The following RABGAP1 variants were observed in gnomAD, a reference collection of about 807,000 sequenced individuals.
RABGAP1 encodes RAB GTPase activating protein 1, also known as rab GTPase-activating protein 1.
RABGAP1 carries 23 observed loss-of-function variants against 137.6 expected under a neutral mutation model. That is an observed-to-expected ratio of 0.17 (90% confidence interval 0.12 to 0.24). The LOEUF (loss-of-function observed/expected upper bound fraction) is 0.24. RABGAP1 is among the 10% of genes least tolerant of loss of function. RABGAP1 has a pLI of 1.00. For synonymous variants in RABGAP1, 451 were observed against 450.7 expected, an observed-to-expected ratio of 1.00 and a Z score of -0.01; for missense variants, 906 against 1,275.8, an observed-to-expected ratio of 0.71 and a Z score of 4.42.
intron 14 of RABGAP1, among the ~76,000 whole-genome samples, chr9:123,066,867 A>G (rs919745186): frequency 1.3e-5 from 2 of 152,272 alleles, no homozygotes; most frequent in Non-Finnish European, 2.9e-5. Flanking sequence ...GTAAACATTA[A>G]TTAGTATAAT....
chr9:123,079,842 T>A (rs910982962), intron 19 of RABGAP1, among the ~76,000 whole-genome samples: 5 of 152,162 alleles, frequency 3.3e-5, no homozygotes, highest in Admixed American at 3.3e-4. Flanking sequence ...CCAACCTTTA[T>A]GCCATTACGT....
chr9:123,065,833 A>G (rs1380176784), intron 14 of RABGAP1, among the ~76,000 whole-genome samples: 2 of 152,210 alleles, frequency 1.3e-5, no homozygotes, highest in East Asian at 1.9e-4. Context: ...ACGGTCTCAC[A>G]GTGGGAAGTG....
chr9:122,964,412 A>G (rs1040537822), intron 2 of RABGAP1, among the ~76,000 whole-genome samples: 1 of 152,238 alleles, frequency 6.6e-6, no homozygotes, highest in African/African-American at 2.4e-5. Flanking sequence ...TTAGTTTAAC[A>G]TCTGAAAATT....
chr9:123,089,809 G>C lies in RABGAP1; in HGVS notation c.2476G>C (p.Glu826Gln). Residue 826 changes from glutamate to glutamine, a missense_variant, in exon 20 of 26, where the codon GAA (glutamate) becomes CAA (glutamine). Coordinates refer to ENST00000373647, the MANE Select transcript of RABGAP1 (RefSeq NM_012197.4). ...CGAGAAAGAATATCACACCATGAGG[G>C]AACAGCAGGCCCAGCAAGAAGACCC... The part of the protein sequence containing the change: ...KYEKEYHTMR[E>Q]QQAQQEDPIE... 1 of 1,613,874 alleles carries C rather than the reference G, an allele frequency of 6.2e-7. No individual in the cohort carries two copies.
At chr9:123,082,866 A>G (rs1488704713) in intron 19 of RABGAP1, among the ~76,000 whole-genome samples, 1 of 152,206 alleles carries the variant, frequency 6.6e-6, no homozygotes, top group African/African-American at 2.4e-5. Context: ...CTTGGGGGAT[A>G]TTTTTATTCC....
At chr9:122,945,585 A>T (rs535647921) in intron 1 of RABGAP1, among the ~76,000 whole-genome samples, 194 of 152,200 alleles carry the variant, frequency 1.3e-3, no homozygotes, top group Non-Finnish European at 2.2e-3. Flanking sequence ...CTTGGTTGTA[A>T]AGTATGAGAA....
intron 13 of RABGAP1, among the ~76,000 whole-genome samples, chr9:123,033,303 C>G (rs1401415235): frequency 6.6e-6 from 1 of 152,204 alleles, no homozygotes; most frequent in African/African-American, 2.4e-5. Context: ...AATTACCCCT[C>G]TGGTAGTGTG....
chr9:123,077,164 G>GTTT (rs57474987), intron 19 of RABGAP1, among the ~76,000 whole-genome samples: 2 of 124,436 alleles, frequency 1.6e-5, no homozygotes, highest in African/African-American at 4.5e-5. Flanking sequence ...TTTTGTTTTT[G>GTTT]TTTTTTTTTT....
At chr9:123,004,904 A>G (rs2030073268) in intron 10 of RABGAP1, among the ~76,000 whole-genome samples, 1 of 151,972 alleles carries the variant, frequency 6.6e-6, no homozygotes. Flanking sequence ...TAAAAATACA[A>G]AATTAGCTGG....
At chr9:123,041,033 A>T (rs930083580) in intron 13 of RABGAP1, among the ~76,000 whole-genome samples, 3 of 152,130 alleles carry the variant, frequency 2.0e-5, no homozygotes, top group African/African-American at 7.2e-5. Context: ...TTGGAATTTG[A>T]CTTGACTCAG....
At chr9:122,985,944 G>A (rs1397137852) in intron 3 of RABGAP1, among the ~76,000 whole-genome samples, 1 of 152,082 alleles carries the variant, frequency 6.6e-6, no homozygotes, top group Admixed American at 6.6e-5. Context: ...TGTCATGTAG[G>A]TACTCAAAAG....
At chr9:122,994,027 C>G (rs1836885850) in intron 6 of RABGAP1, among the ~76,000 whole-genome samples, 1 of 152,186 alleles carries the variant, frequency 6.6e-6, no homozygotes, top group Non-Finnish European at 1.5e-5. Context: ...ACTTAATCCA[C>G]TAACCGTCCT....
At chr9:123,010,277 A>G (rs772166757) in intron 10 of RABGAP1, 77 bp from the exon 11 acceptor site, 18 of 1,321,188 alleles carry the variant, frequency 1.4e-5, no homozygotes, top group Non-Finnish European at 1.9e-5. Flanking sequence ...TGCAATTAAA[A>G]ACATTAAAAA....
At chr9:122,995,110 TC>T (rs916584184) in intron 6 of RABGAP1, among the ~76,000 whole-genome samples, 1 of 152,010 alleles carries the variant, frequency 6.6e-6, no homozygotes, top group African/African-American at 2.4e-5. Flanking sequence ...CAGATCAAGA[TC>T]CTGCCTCAAA....
At chr9:123,010,564 G>T (rs1322683039) in intron 11 of RABGAP1, 36 bp downstream of exon 11, 1 of 1,568,590 alleles carries the variant, frequency 6.4e-7, no homozygotes, top group Non-Finnish European at 8.7e-7. Context: ...ATTTTTGGGG[G>T]TGGAAGACCA....
intron 13 of RABGAP1, among the ~76,000 whole-genome samples, chr9:123,055,395 ATTTAT>A (rs1033192084): frequency 6.6e-6 from 1 of 151,280 alleles, no homozygotes; most frequent in Non-Finnish European, 1.5e-5. Context: ...TTGAGGTTTT[ATTTAT>A]TTATTTATTT....
At chr9:122,997,071 TA>T (rs138331644) in intron 8 of RABGAP1, 187 bp from the exon 9 acceptor site, 7,329 of 594,868 alleles carry the variant, frequency 0.012, 82 homozygotes, top group Non-Finnish European at 0.018. Context: ...AGCATATACA[TA>T]TAACTTCAGG....
chr9:122,971,188 A>C (rs1835451178), intron 2 of RABGAP1, among the ~76,000 whole-genome samples: 1 of 152,222 alleles, frequency 6.6e-6, no homozygotes, highest in Non-Finnish European at 1.5e-5. Context: ...AAAGAACATA[A>C]GGAAACTTAC....
At chr9:123,031,652 A>G (rs538019232) in intron 13 of RABGAP1, among the ~76,000 whole-genome samples, 8 of 152,346 alleles carry the variant, frequency 5.3e-5, no homozygotes, top group African/African-American at 1.9e-4. Flanking sequence ...ACTCAGAACT[A>G]AGTGCTTTGA....
Sources: gnomAD v4.1 joint callset for allele counts (sites outside exome capture counted in the v4.1 genomes callset) on GRCh38, gnomAD v4.1.1 for gene constraint, MANE v1.5 for transcripts, NCBI Gene and HGNC (gene_info 2026-07-23, HGNC 2026-07-21) for gene names.